The following DHX32 variants were observed in gnomAD, a reference collection of about 807,000 sequenced individuals.
The protein encoded by DHX32 is putative pre-mRNA-splicing factor ATP-dependent RNA helicase DHX32.
DHX32 carries 51 observed loss-of-function variants against 70.0 expected under a neutral mutation model. The observed-to-expected ratio is 0.73, with a 90% confidence interval of 0.58 to 0.92. The LOEUF (loss-of-function observed/expected upper bound fraction) is 0.92. Ranked by LOEUF, DHX32 falls within the 40% of genes least tolerant of loss-of-function variation. The pLI is 0.00. For synonymous variants in DHX32, 310 were observed against 315.3 expected, an observed-to-expected ratio of 0.98 and a Z score of 0.18; for missense variants, 762 against 891.8, an observed-to-expected ratio of 0.85 and a Z score of 1.85.
chr10:125,855,987 G>C (rs1442154523), intron 3 of DHX32, among the ~76,000 whole-genome samples: 1 of 152,178 alleles, frequency 6.6e-6, no homozygotes, highest in Non-Finnish European at 1.5e-5. Flanking sequence ...ATCTTCAGAA[G>C]GGAAAAAGCA....
At chr10:125,853,338 G>A (rs963562657) in intron 4 of DHX32, 18 of 646,758 alleles carry the variant, frequency 2.8e-5, no homozygotes, top group African/African-American at 5.6e-5. Flanking sequence ...TGTTAGTTTC[G>A]TTTGAGATCT....
At chr10:125,850,124 C>A (rs544119491) in intron 6 of DHX32, among the ~76,000 whole-genome samples, 1 of 143,518 alleles carries the variant, frequency 7.0e-6, no homozygotes, top group Non-Finnish European at 1.5e-5. Context: ...TGCCACCACA[C>A]CTGGCTCATT....
chr10:125,883,469 C>T (rs780752203), upstream of DHX32, among the ~76,000 whole-genome samples: 1 of 152,176 alleles, frequency 6.6e-6, no homozygotes, highest in Non-Finnish European at 1.5e-5. Flanking sequence ...GGTACCCACG[C>T]CCAAGCCACC....
At chr10:125,884,945 GTCTCA>G (rs889602030), upstream of DHX32, among the ~76,000 whole-genome samples, 3 of 151,994 alleles carry the variant, frequency 2.0e-5, no homozygotes, top group Non-Finnish European at 4.4e-5. Context: ...GGCCTAAGTG[GTCTCA>G]TCTCATCTCA....
At chr10:125,895,877 G>T (rs78811714) in intron 1 of DHX32, among the ~76,000 whole-genome samples, 1 of 101,838 alleles carries the variant, frequency 9.8e-6, no homozygotes, top group East Asian at 2.5e-4. Context: ...CACTGGGGAC[G>T]ACAGCGACGA....
rs981028230 is a variant in DHX32, at chr10:125,840,725, C to G, written c.1693+122G>C. 8.0e-6 allele frequency: 9 copies of G among 1,118,856 alleles called. No homozygotes were observed. In the Admixed American group the frequency reaches 2.3e-4, roughly 29 times the overall value. The allele number at this position is 1,118,856 out of a possible 1,614,324, so 69.3% of individuals were successfully genotyped here. Reference sequence around the variant, plus strand: ...GTGGGTGCGTTTAGGGCCTCAAGTGCCATTGCATTCAAGTGGCCAGTAGGG... The same window carrying G: ...GTGGGTGCGTTTAGGGCCTCAAGTGGCATTGCATTCAAGTGGCCAGTAGGG... On this transcript the variant is annotated intron_variant, in intron 8 of 10. Coordinates refer to ENST00000284690, the MANE Select transcript of DHX32 (RefSeq NM_018180.3).
At position 125,838,287 on chromosome 10, in the gene DHX32, ATCT is replaced by A. The variant is rs751051377; in HGVS notation, c.1979_1981del (p.Lys660del). On this transcript the variant is annotated inframe_deletion, in exon 10 of 11. Coordinates refer to ENST00000284690, the MANE Select transcript of DHX32 (RefSeq NM_018180.3). ...TTTATGGAAGAGGACCCACTCTGGC[ATCT>A]TCTTGGTGATTGAGTAACCAGACAG... The A allele has an allele frequency of 1.2e-6, 2 of 1,613,962 alleles. No individual in the cohort carries two copies. Among genetic ancestry groups the A allele is most frequent in the Non-Finnish European group, 8.5e-7 (1 of 1,179,984 alleles).
chr10:125,845,908 T>C (rs1944010413), intron 6 of DHX32, among the ~76,000 whole-genome samples: 1 of 152,104 alleles, frequency 6.6e-6, no homozygotes, highest in Non-Finnish European at 1.5e-5. Context: ...GCCCGTGACA[T>C]GGAAGGAAAC....
intron 3 of DHX32, among the ~76,000 whole-genome samples, chr10:125,855,566 A>G (rs966004637): frequency 6.8e-6 from 1 of 147,752 alleles, no homozygotes; most frequent in African/African-American, 2.5e-5. Flanking sequence ...CTCCTGCCTC[A>G]GCCTCCCGAG....
upstream of DHX32, among the ~76,000 whole-genome samples, chr10:125,884,120 T>C (rs1944331591): frequency 6.6e-6 from 1 of 152,208 alleles, no homozygotes; most frequent in Non-Finnish European, 1.5e-5. Flanking sequence ...CAGAAGGACC[T>C]TTTGCTGCTA....
At chr10:125,894,107 T>G (rs1252255325) in intron 1 of DHX32, among the ~76,000 whole-genome samples, 1 of 152,306 alleles carries the variant, frequency 6.6e-6, no homozygotes, top group Non-Finnish European at 1.5e-5. Context: ...AAAATATATA[T>G]AGAACTTTAT....
At chr10:125,855,653 T>G (rs1312102777) in intron 3 of DHX32, among the ~76,000 whole-genome samples, 1 of 152,034 alleles carries the variant, frequency 6.6e-6, no homozygotes, top group Non-Finnish European at 1.5e-5. Flanking sequence ...GGCTTCACCG[T>G]GTTAGCCAGG....
At chr10:125,870,577 G>A (rs1944249947) in intron 1 of DHX32, among the ~76,000 whole-genome samples, 2 of 152,172 alleles carry the variant, frequency 1.3e-5, no homozygotes, top group African/African-American at 4.8e-5. Flanking sequence ...GCTCACATCT[G>A]TAATCTCAGC....
In DHX32 at chr10:125,839,173, C is replaced by A; in HGVS notation, c.1709G>T (p.Trp570Leu). 1 of 1,614,166 alleles carries A rather than the reference C, an allele frequency of 6.2e-7. No homozygotes were observed. The highest frequency in any genetic ancestry group is 1.6e-4 in the Middle Eastern group (1 of 6,062). The change falls in exon 9 of 11, where the codon TGG becomes TTG. Residue 570 changes from tryptophan (W) to leucine (L), a missense_variant. By Grantham distance (61) the Trp-to-Leu change is moderately conservative. Around this residue, in one of 3 missense-constraint regions of DHX32, gnomAD observed 366 missense variants for 402.6 expected, o/e 0.91. Transcript: ENST00000284690. The part of the protein sequence containing the change: ...NSSSEYCVEK[W>L]CRDYFLNCSA... ...ACAGTTGAGGAAGTAATCACGACAC[C>A]ACTTTTCCACACAGTCTAGGAGGGA...
At chr10:125,885,822 T>C (rs1315716548), upstream of DHX32, among the ~76,000 whole-genome samples, 2 of 152,200 alleles carry the variant, frequency 1.3e-5, no homozygotes, top group South Asian at 2.1e-4. Flanking sequence ...TCTGAGCCAC[T>C]ACCCCTCTCA....
intron 1 of DHX32, among the ~76,000 whole-genome samples, chr10:125,868,757 A>T (rs895730413): frequency 6.6e-6 from 1 of 152,242 alleles, no homozygotes; most frequent in Non-Finnish European, 1.5e-5. Context: ...TCTAAGCTTT[A>T]GTTAATTCTT....
chr10:125,892,299 G>C (rs78670920), intron 1 of DHX32, among the ~76,000 whole-genome samples: 1 of 152,304 alleles, frequency 6.6e-6, no homozygotes, highest in Non-Finnish European at 1.5e-5. Flanking sequence ...CTGAGCTTCA[G>C]CAACATCTCC....
In DHX32 at chr10:125,836,430, G is replaced by C. The variant is rs1171523225; in HGVS notation, c.*257C>G. On this transcript the variant is annotated 3_prime_UTR_variant, in exon 11 of 11. Coordinates refer to ENST00000284690, the MANE Select transcript of DHX32 (RefSeq NM_018180.3). The stretch of plus-strand genomic sequence containing the variant: ...TCTCTGACACATTTACAAAATACCA[G>C]TTTTTTAAAATTTTGGTCAAATTAT... The C allele has an allele frequency of 2.1e-6, 3 of 1,439,058 alleles. No individual in the cohort carries two copies. The highest frequency in any genetic ancestry group is 2.7e-6 in the Non-Finnish European group (3 of 1,102,608). The allele number at this position is 1,439,058 out of a possible 1,614,324, so 89.1% of individuals were successfully genotyped here.
chr10:125,869,758 T>C (rs2134063888), intron 1 of DHX32, among the ~76,000 whole-genome samples: 1 of 152,250 alleles, frequency 6.6e-6, no homozygotes, highest in Admixed American at 6.5e-5. Flanking sequence ...CTCTCCACTA[T>C]GTGGGAAGAT....
Sources: gnomAD v4.1 joint callset for allele counts (sites outside exome capture counted in the v4.1 genomes callset) on GRCh38, gnomAD v4.1.1 for gene constraint, gnomAD v4.1.1 regional missense constraint, MANE v1.5 for transcripts, NCBI Gene and HGNC (gene_info 2026-07-23, HGNC 2026-07-21) for gene names.